SNAPC4: variants seen among roughly 807,000 people sequenced by gnomAD.
The protein encoded by SNAPC4 is small nuclear RNA activating complex polypeptide 4.
In SNAPC4, 127 loss-of-function variants were observed where a neutral mutation model predicts 151.3. The ratio of observed to expected loss-of-function variants is 0.84; its 90% CI spans 0.73 to 0.97. The LOEUF is 0.97. Among genes scored for constraint, SNAPC4 ranks in the 50% least tolerant of loss-of-function variants. SNAPC4 has a pLI of 0.00. For synonymous variants in SNAPC4, 1,002 were observed against 824.4 expected (o/e 1.22, Z -3.69); for missense variants, 2,186 against 1,935.0 (o/e 1.13, Z -2.43).
At chr9:136,398,492 A>T (rs1277184220) in intron 1 of SNAPC4, 55 bp from the exon 2 acceptor site, 1 of 1,586,616 alleles carries the variant, frequency 6.3e-7, no homozygotes, top group Non-Finnish European at 8.6e-7. Flanking sequence ...CCGGGATCCC[A>T]TTCTCCTTCA....
At position 136,395,279 on chromosome 9, in the gene SNAPC4, C is replaced by T. The variant is rs779584457; in HGVS notation, c.471+19G>A. Reference sequence around the variant, plus strand: ...CGGTGCAGAGCCTTGCCGACAAGAGCAGGGCCTCGGCCACTCACCACGCCC... The same window carrying T: ...CGGTGCAGAGCCTTGCCGACAAGAGTAGGGCCTCGGCCACTCACCACGCCC... On this transcript the variant is annotated intron_variant, in intron 5 of 23. Coordinates refer to ENST00000684778, the MANE Select transcript of SNAPC4 (RefSeq NM_003086.4). 6.2e-7 allele frequency: 1 copy of T among 1,609,974 alleles called. No homozygotes were observed.
intron 7 of SNAPC4, 75 bp from the exon 8 acceptor site, chr9:136,392,852 G>A (rs1166545801): frequency 5.0e-6 from 6 of 1,193,970 alleles, no homozygotes; most frequent in East Asian, 4.9e-5. Context: ...GCACATTACA[G>A]GGCAAGGAGT....
chr9:136,383,383 C>G lies in SNAPC4; in HGVS notation c.1786G>C (p.Ala596Pro), dbSNP rs554527590. The G allele has an allele frequency of 1.3e-6, 2 of 1,592,454 alleles. No individual in the cohort carries two copies. The change falls in exon 16 of 24, where the codon GCC (alanine) becomes CCC (proline). Residue 596 changes from alanine (A) to proline (P), a missense_variant. Transcript: ENST00000684778. The surrounding 1 kb of genome is among the most constrained non-coding windows in gnomAD (Gnocchi z 4.2). ...GACCCCTTGGGAGGGCTGAGGGAGG[C>G]AGCGGGGCCTCCCAGCCAGGCCCCT... is the stretch of plus-strand genomic sequence containing the variant. ...GAGAWLGGPA[A>P]SLSPPKGSSA... is the part of the protein sequence containing the mutation.
In SNAPC4 at chr9:136,388,543, T is replaced by C; in HGVS notation, c.1024A>G (p.Lys342Glu). 1 of 1,614,122 alleles carries C rather than the reference T, an allele frequency of 6.2e-7. No homozygotes were observed. Among genetic ancestry groups the C allele is most frequent in the South Asian group, 1.1e-5 (1 of 91,090 alleles). Residue 342 changes from lysine (K) to glutamate (E), a missense_variant, in exon 11 of 24, where the codon AAA becomes GAA. Coordinates refer to ENST00000684778, the MANE Select transcript of SNAPC4 (RefSeq NM_003086.4). ...GTCCACTCCTTGCGTTTCAGAGCTTTGTTGTGCTGCTGGAATTTCTGCAGG... is the reference window on the plus strand; with the variant it reads ...GTCCACTCCTTGCGTTTCAGAGCTTCGTTGTGCTGCTGGAATTTCTGCAGG... ...QCLQKFQQHNKALKRKEWTEE... is the reference protein window; with the variant it reads ...QCLQKFQQHNEALKRKEWTEE...
At chr9:136,399,351 G>C (rs973641457) in intron 1 of SNAPC4, among the ~76,000 whole-genome samples, 8 of 152,188 alleles carry the variant, frequency 5.3e-5, no homozygotes, top group Non-Finnish European at 1.0e-4. Context: ...AAAGCCCCTT[G>C]TTTATGCCCG....
At chr9:136,388,713 C>A in intron 10 of SNAPC4, 122 bp from the exon 11 acceptor site, 1 of 1,113,318 alleles carries the variant, frequency 9.0e-7, no homozygotes, top group African/African-American at 1.5e-5. Flanking sequence ...TCTGCAGACC[C>A]CAGCTCTCCT....
chr9:136,391,864 C>G (rs2063431738), intron 10 of SNAPC4, 78 bp downstream of exon 10: 1 of 1,482,034 alleles, frequency 6.7e-7, no homozygotes, highest in African/African-American at 1.4e-5. Context: ...GGACCCCGCA[C>G]CCGTCCAGCA....
chr9:136,395,177 G>A (rs536683045), intron 5 of SNAPC4, 121 bp downstream of exon 5: 42 of 1,290,136 alleles, frequency 3.3e-5, no homozygotes, highest in Non-Finnish European at 4.1e-5. Context: ...GTTTGAAGGA[G>A]GTTGGCCAAT....
chr9:136,379,256 A>G lies in SNAPC4; in HGVS notation c.2571T>C (p.Ser857=). The G allele has an allele frequency of 6.2e-7, 1 of 1,612,290 alleles. No homozygotes were observed. ...PNVPAQEASK[S]ASHKGSRRLA... ...GTCTTCGGCTCCCTTTGTGGCTGGCACTCTTTGAGGCTTCTTGAGCCGGCA... is the reference window on the plus strand; with the variant it reads ...GTCTTCGGCTCCCTTTGTGGCTGGCGCTCTTTGAGGCTTCTTGAGCCGGCA... Residue 857 remains serine (S), a synonymous_variant, in exon 22 of 24, where the codon AGT becomes AGC. Transcript: ENST00000684778.
intron 7 of SNAPC4, among the ~76,000 whole-genome samples, chr9:136,393,553 C>T (rs1834155082): frequency 6.6e-6 from 1 of 152,220 alleles, no homozygotes; most frequent in Admixed American, 6.5e-5. Flanking sequence ...GATTATCACC[C>T]CATCAGCAAA....
At position 136,379,125 on chromosome 9, in the gene SNAPC4, C is replaced by T. The variant is rs1405212944; in HGVS notation, c.2702G>A (p.Arg901Gln). ...CTCCCTGGCACGGGCCTCCTGAAGC[C>T]GCTTCTCCTGAAGCAGCTCCGACAC... is the stretch of plus-strand genomic sequence containing the variant. ...KTVSELLQEK[R>Q]LQEARAREAT... Residue 901 changes from arginine to glutamine, a missense_variant, in exon 22 of 24, where the codon CGG becomes CAG. By Grantham distance (43) the Arg-to-Gln change is conservative. Transcript: ENST00000684778. 5.1e-6 allele frequency: 8 copies of T among 1,565,154 alleles called. No homozygotes were observed. The highest frequency in any genetic ancestry group is 2.3e-5 in the South Asian group (2 of 85,856).
At chr9:136,399,340 C>G (rs963957120) in intron 1 of SNAPC4, among the ~76,000 whole-genome samples, 1 of 152,222 alleles carries the variant, frequency 6.6e-6, no homozygotes, top group African/African-American at 2.4e-5. Flanking sequence ...CACTCCTTCA[C>G]AAAGCCCCTT....
At chr9:136,394,542 G>A (rs1834193088) in intron 6 of SNAPC4, among the ~76,000 whole-genome samples, 1 of 152,192 alleles carries the variant, frequency 6.6e-6, no homozygotes, top group South Asian at 2.1e-4. Context: ...GGGCTTTGCG[G>A]CCCAAGACAA....
chr9:136,399,077 G>A (rs1588772041), intron 1 of SNAPC4, among the ~76,000 whole-genome samples: 1 of 152,372 alleles, frequency 6.6e-6, no homozygotes, highest in East Asian at 1.9e-4. Context: ...CTTAGGAACT[G>A]TGGTCCAGGA....
At chr9:136,389,765 T>C (rs1165956785) in intron 10 of SNAPC4, among the ~76,000 whole-genome samples, 1 of 152,036 alleles carries the variant, frequency 6.6e-6, no homozygotes, top group Non-Finnish European at 1.5e-5. Context: ...TGGGGCGGGA[T>C]TCAGAGCTGG....
At position 136,395,351 on chromosome 9, in the gene SNAPC4, T is replaced by C; in HGVS notation, c.418A>G (p.Thr140Ala). ...VKDGKSLPPS[T>A]YMGHFMKPYF... ...GGCTTCATGAAGTGCCCCATGTATG[T>C]GCTTGGGGGCAGGCTTTTGCCATCT... Residue 140 changes from threonine to alanine, a missense_variant, in exon 5 of 24, where the codon ACA becomes GCA. By Grantham distance (58) the Thr-to-Ala change is moderately conservative. Coordinates refer to ENST00000684778, the MANE Select transcript of SNAPC4 (RefSeq NM_003086.4). 1 of 1,613,642 alleles carries C rather than the reference T, an allele frequency of 6.2e-7. No individual in the cohort carries two copies. Among genetic ancestry groups the C allele is most frequent in the Non-Finnish European group, 8.5e-7 (1 of 1,179,956 alleles).
chr9:136,378,400 C>T lies in SNAPC4; in HGVS notation c.3427G>A (p.Glu1143Lys), dbSNP rs1178241127. Residue 1143 changes from glutamate (E) to lysine (K), a missense_variant, in exon 22 of 24, where the codon GAA becomes AAA. Transcript: ENST00000684778. Reference sequence around the variant, plus strand: ...TCTGTCCTGCAGGAAGGCTCCGGTTCCCTGTTCATATTGGCTGGGGGCTGC... The same window carrying T: ...TCTGTCCTGCAGGAAGGCTCCGGTTTCCTGTTCATATTGGCTGGGGGCTGC... ...SWQPPANMNR[E>K]PEPSCRTDTP... The T allele has an allele frequency of 3.7e-6, 6 of 1,608,124 alleles. No individual in the cohort carries two copies. Among genetic ancestry groups the T allele is most frequent in the African/African-American group, 2.7e-5 (2 of 74,910 alleles).
At chr9:136,386,124 G>C (rs75626080) in intron 13 of SNAPC4, among the ~76,000 whole-genome samples, 6 of 150,300 alleles carry the variant, frequency 4.0e-5, no homozygotes, top group African/African-American at 1.5e-4. Flanking sequence ...TCAATTTCTC[G>C]ACATCCTTGC....
chr9:136,381,028 T>C (rs894753534), intron 19 of SNAPC4, among the ~76,000 whole-genome samples, 178 bp from the exon 20 acceptor site: 6 of 152,146 alleles, frequency 3.9e-5, no homozygotes, highest in African/African-American at 1.2e-4. Flanking sequence ...ACATCCAGGA[T>C]GGCCTCCCAT....
Sources: allele counts gnomAD v4.1 joint callset (sites outside exome capture counted in the v4.1 genomes callset), GRCh38; gene constraint gnomAD v4.1.1; non-coding constraint Gnocchi (gnomAD v3.1); transcripts MANE v1.5; gene names NCBI Gene and HGNC (gene_info 2026-07-23, HGNC 2026-07-21).